Variants in ZBBX observed in about 807,000 individuals in gnomAD.
The protein encoded by ZBBX is zinc finger B-box domain containing.
ZBBX carries 101 observed loss-of-function variants against 108.5 expected under a neutral mutation model. The observed-to-expected ratio is 0.93, with a 90% confidence interval of 0.79 to 1.10. ZBBX has a LOEUF of 1.10. Among genes scored for constraint, ZBBX ranks in the 50% least tolerant of loss-of-function variants. The pLI, the probability that ZBBX is intolerant of heterozygous loss-of-function variation, is 0.00. For synonymous variants in ZBBX, 356 were observed against 323.4 expected (o/e 1.10, Z -1.08); for missense variants, 1,009 against 941.4 (o/e 1.07, Z -0.94).
the ZBBX span, among the ~76,000 whole-genome samples, chr3:167,179,092 A>G: frequency 0.013 from 2,026 of 152,254 alleles, 22 homozygotes; most frequent in South Asian, 0.026. Context: ...GCAAAAGGTG[A>G]CATTTAACAC....
chr3:167,191,932 T>TAGAGAGAGAGAGAGAGAGAGAG, the ZBBX span, among the ~76,000 whole-genome samples: 9 of 128,042 alleles, frequency 7.0e-5, no homozygotes, highest in African/African-American at 2.9e-4. Context: ...TATATATATA[T>TAGAGAGAGAGAGAGAGAGAGAG]ATAGAGCAAG....
At chr3:167,382,860 G>A (rs556981147), upstream of ZBBX, among the ~76,000 whole-genome samples, 7 of 152,114 alleles carry the variant, frequency 4.6e-5, no homozygotes, top group African/African-American at 1.7e-4. Flanking sequence ...TGTAAATAAT[G>A]TCTTTCCTTT....
At chr3:167,405,290 A>C (rs1160958488) in intron 1 of ZBBX, among the ~76,000 whole-genome samples, 1 of 152,224 alleles carries the variant, frequency 6.6e-6, no homozygotes, top group African/African-American at 2.4e-5. Flanking sequence ...GATAGAAAGA[A>C]GACCAAATGC....
At chr3:167,251,255 G>A (rs1052421474) in intron 20 of ZBBX, among the ~76,000 whole-genome samples, 4 of 152,284 alleles carry the variant, frequency 2.6e-5, no homozygotes, top group East Asian at 3.9e-4. Flanking sequence ...CGTGTGATCC[G>A]ATTCTTCTGG....
chr3:167,331,425 C>T, intron 10 of ZBBX: 1 of 283,538 alleles, frequency 3.5e-6, no homozygotes, highest in South Asian at 1.3e-4. Flanking sequence ...CACTAATGAA[C>T]AAGCATTGAA....
chr3:167,219,228 A>G, the ZBBX span, among the ~76,000 whole-genome samples: 95 of 152,188 alleles, frequency 6.2e-4, no homozygotes, highest in African/African-American at 2.2e-3. Context: ...GATAATCCAG[A>G]CAGGAAATCC....
At chr3:167,350,954 T>A (rs1742540136) in intron 8 of ZBBX, among the ~76,000 whole-genome samples, 1 of 152,076 alleles carries the variant, frequency 6.6e-6, no homozygotes, top group African/African-American at 2.4e-5. Flanking sequence ...TGGATTTACA[T>A]GACATAATTA....
intron 9 of ZBBX, among the ~76,000 whole-genome samples, chr3:167,344,874 C>T (rs550867274): frequency 2.0e-5 from 3 of 151,802 alleles, no homozygotes; most frequent in Admixed American, 1.3e-4. Flanking sequence ...TTACACTTAC[C>T]ATAAGTATGT....
At chr3:167,199,808 TCCAGCA>T in the ZBBX span, among the ~76,000 whole-genome samples, 2 of 152,128 alleles carry the variant, frequency 1.3e-5, no homozygotes, top group African/African-American at 4.8e-5. Flanking sequence ...ATACAGAACA[TCCAGCA>T]CATACATTTT....
intron 1 of ZBBX, among the ~76,000 whole-genome samples, chr3:167,400,043 C>T (rs1748372293): frequency 6.6e-6 from 1 of 152,134 alleles, no homozygotes; most frequent in Non-Finnish European, 1.5e-5. Flanking sequence ...TGATTTCATT[C>T]TTTATGGCCG....
chr3:167,235,254 G>C (rs1576741571), downstream of ZBBX, among the ~76,000 whole-genome samples: 1 of 151,730 alleles, frequency 6.6e-6, no homozygotes, highest in African/African-American at 2.4e-5. Flanking sequence ...AAAATAAAAT[G>C]TGCATCTGCT....
At chr3:167,315,951 A>G (rs1027158282) in intron 14 of ZBBX, 122 bp from the exon 15 acceptor site, 1 of 570,966 alleles carries the variant, frequency 1.8e-6, no homozygotes, top group Non-Finnish European at 3.0e-6. Context: ...TGAGAGCTCT[A>G]ATTATATTTT....
intron 14 of ZBBX, among the ~76,000 whole-genome samples, chr3:167,316,782 A>G (rs1246401637): frequency 6.6e-6 from 1 of 152,030 alleles, no homozygotes; most frequent in Non-Finnish European, 1.5e-5. Flanking sequence ...TATTCATCCA[A>G]AAAAATTGAC....
intron 20 of ZBBX, among the ~76,000 whole-genome samples, 193 bp downstream of exon 20, chr3:167,282,045 T>G (rs1036877617): frequency 6.6e-5 from 10 of 152,180 alleles, no homozygotes; most frequent in African/African-American, 2.2e-4. Flanking sequence ...TGGCTGGGCA[T>G]CCACACATTT....
At position 167,289,250 on chromosome 3, in the gene ZBBX, T is replaced by C. The variant is rs1730236617; in HGVS notation, c.1880-267A>G. ...AATAAACACATTTGAATACATAAGA[T>C]GCCTAAGAATATAGATGACACCAAG... is the stretch of plus-strand genomic sequence containing the variant. On this transcript the variant is annotated intron_variant, in intron 18 of 21. Coordinates refer to ENST00000675490, the MANE Select transcript of ZBBX (RefSeq NM_001199201.2). Among the ~76,000 whole-genome samples the C allele has an allele frequency of 3.3e-5, 5 of 152,230 alleles. No individual in the cohort carries two copies. The South Asian group carries it at 1.0e-3, about 32-fold the overall frequency.
At position 167,321,552 on chromosome 3, in the gene ZBBX, G is replaced by C. The variant is rs577921593; in HGVS notation, c.983+565C>G. Reference sequence around the variant, plus strand: ...CACCTCAAAAAAAGACCAGAGACCAGCCTCATCCAACCATTATCACCTGGG... The same window carrying C: ...CACCTCAAAAAAAGACCAGAGACCACCCTCATCCAACCATTATCACCTGGG... On this transcript the variant is annotated intron_variant, in intron 12 of 21. Coordinates refer to ENST00000675490, the MANE Select transcript of ZBBX (RefSeq NM_001199201.2). Among the ~76,000 whole-genome samples, 3 of 152,086 alleles carry C rather than the reference G, an allele frequency of 2.0e-5. No individual in the cohort carries two copies. In the East Asian group the frequency reaches 5.8e-4, roughly 29 times the overall value.
chr3:167,293,968 C>T (rs997861711), intron 18 of ZBBX, among the ~76,000 whole-genome samples: 1 of 152,032 alleles, frequency 6.6e-6, no homozygotes, highest in African/African-American at 2.4e-5. Flanking sequence ...GAATAAAATA[C>T]CTAGGAATAC....
At chr3:167,400,331 A>G (rs1358376445) in intron 1 of ZBBX, among the ~76,000 whole-genome samples, 1 of 152,160 alleles carries the variant, frequency 6.6e-6, no homozygotes, top group Non-Finnish European at 1.5e-5. Flanking sequence ...AACAGTATAT[A>G]AGCATTCCCT....
At chr3:167,262,395 G>A (rs780196328) in intron 20 of ZBBX, among the ~76,000 whole-genome samples, 2 of 152,126 alleles carry the variant, frequency 1.3e-5, no homozygotes, top group East Asian at 1.9e-4. Context: ...ATAATCTCCC[G>A]CATTCTCTAA....
Sources: gnomAD v4.1 joint callset for allele counts (sites outside exome capture counted in the v4.1 genomes callset) on GRCh38, gnomAD v4.1.1 for gene constraint, MANE v1.5 for transcripts, NCBI Gene and HGNC (gene_info 2026-07-23, HGNC 2026-07-21) for gene names.